ZNF813: variants seen among roughly 807,000 people sequenced by gnomAD.
ZNF813 encodes zinc finger protein 813.
ZNF813 carries 3 observed loss-of-function variants against 7.2 expected under a neutral mutation model. The ratio of observed to expected loss-of-function variants is 0.42; its 90% CI spans 0.19 to 1.08. ZNF813 has a LOEUF of 1.08. Ranked by LOEUF, ZNF813 falls within the 50% of genes least tolerant of loss-of-function variation. The probability of loss-of-function intolerance (pLI) is 0.30; values close to 1 mark genes in which losing one functional copy is unlikely to be tolerated. For synonymous variants in ZNF813, 227 were observed against 256.3 expected (o/e 0.89, Z 1.09); for missense variants, 714 against 753.3 (o/e 0.95, Z 0.61).
At position 53,491,177 on chromosome 19, in the gene ZNF813, A is replaced by C; in HGVS notation, c.945A>C (p.Lys315Asn). ...CTTTCAGTTTCAAATCAAACCTTAA[A>C]AGACATAGGAGAATTCATGCTGGAG... ...DKAFSFKSNL[K>N]RHRRIHAGEK... Residue 315 changes from lysine to asparagine, a missense_variant, in exon 4 of 4, where the codon AAA becomes AAC. Transcript: ENST00000396403. 6.2e-7 allele frequency: 1 copy of C among 1,613,652 alleles called. No individual in the cohort carries two copies. Among genetic ancestry groups the C allele is most frequent in the Non-Finnish European group, 8.5e-7 (1 of 1,179,740 alleles).
At chr19:53,486,605 T>C in intron 2 of ZNF813, 27 bp from the exon 3 acceptor site, 1 of 1,613,996 alleles carries the variant, frequency 6.2e-7, no homozygotes, top group South Asian at 1.1e-5. Context: ...CCCATAACAA[T>C]TTCCTTAAAA....
In ZNF813 at chr19:53,468,229, C is replaced by G. The variant is rs911829392; in HGVS notation, c.-74+440C>G. ...TTAAGGCGCCCTCGCGCCCCCCCCC[C>G]CCCACCTCCCTCCTCCTGCCGGGCC... On this transcript the variant is annotated intron_variant, in intron 1 of 3. Coordinates refer to ENST00000396403, the MANE Select transcript of ZNF813 (RefSeq NM_001004301.4). 1.2e-4 allele frequency among the ~76,000 whole-genome samples: 16 copies of G among 129,010 alleles called. 2 individuals carry two copies. Among genetic ancestry groups the G allele is most frequent in the African/African-American group, 2.8e-4 (10 of 36,000 alleles). 84.6% of individuals were successfully genotyped at this position (129,010 alleles called of 152,430 possible). A position where few individuals can be genotyped will look rare whatever the true frequency, so the allele number is the denominator to read the frequency against.
chr19:53,494,146 C>T lies in ZNF813; in HGVS notation c.*2060C>T, dbSNP rs1466824531. 2 of 152,204 alleles carry T rather than the reference C, an allele frequency of 1.3e-5. No homozygotes were observed. The highest frequency in any genetic ancestry group is 2.9e-5 in the Non-Finnish European group (2 of 68,042). The allele number at this position is 152,204 out of a possible 1,614,324, so 9.4% of individuals were successfully genotyped here. ...GAAATAAGTGGCACTTGAGTATCTA[C>T]AGTCCTTTTTACATCCTCTTGAATA... On this transcript the variant is annotated 3_prime_UTR_variant, in exon 4 of 4. Coordinates refer to ENST00000396403, the MANE Select transcript of ZNF813 (RefSeq NM_001004301.4).
At chr19:53,477,940 A>G (rs891804095) in intron 1 of ZNF813, among the ~76,000 whole-genome samples, 2 of 152,158 alleles carry the variant, frequency 1.3e-5, no homozygotes, top group African/African-American at 4.8e-5. Flanking sequence ...ATTTGTTTAA[A>G]TTATACAGAT....
intron 1 of ZNF813, chr19:53,480,056 C>G: frequency 1.3e-6 from 1 of 762,908 alleles, no homozygotes; most frequent in Admixed American, 1.7e-5. Context: ...ACAAAGGATG[C>G]TGGACCAGAC....
At position 53,490,492 on chromosome 19, in the gene ZNF813, T is replaced by G. The variant is rs769430255; in HGVS notation, c.260T>G (p.Phe87Cys). The change falls in exon 4 of 4, where the codon TTT (phenylalanine) becomes TGT (cysteine). Residue 87 changes from phenylalanine (F) to cysteine (C), a missense_variant. By Grantham distance (205) the Phe-to-Cys change is radical. This residue lies in a region of ZNF813 where 563 missense variants were observed against 554.2 expected (regional missense o/e 1.02). Transcript: ENST00000396403. ...HESHHTGDFR[F>C]QEIDKDIHNL... ...AGTCATCACACTGGAGACTTTCGCT[T>G]TCAGGAAATTGATAAAGATATTCAT... 6.8e-6 allele frequency: 11 copies of G among 1,613,982 alleles called. No individual in the cohort carries two copies. The South Asian group carries it at 9.9e-5, about 15-fold the overall frequency.
intron 1 of ZNF813, among the ~76,000 whole-genome samples, chr19:53,468,878 TC>T (rs2147152121): frequency 1.4e-5 from 2 of 141,992 alleles, no homozygotes; most frequent in Non-Finnish European, 3.1e-5. Context: ...CCTTCCTCTT[TC>T]ACTACTCCTC....
intron 1 of ZNF813, among the ~76,000 whole-genome samples, chr19:53,468,410 CACAAAG>C (rs199572956): frequency 0.089 from 13,519 of 152,098 alleles, 604 homozygotes; most frequent in Middle Eastern, 0.12. Flanking sequence ...AGAAATAAGA[CACAAAG>C]ACAAAGTATA....
chr19:53,468,232 C>CA (rs2086337892), intron 1 of ZNF813, among the ~76,000 whole-genome samples: 2 of 90,728 alleles, frequency 2.2e-5, no homozygotes, highest in Admixed American at 1.0e-4. Flanking sequence ...CCCCCCCCCC[C>CA]ACCTCCCTCC....
chr19:53,480,024 C>T (rs1293546714), intron 1 of ZNF813: 1 of 762,976 alleles, frequency 1.3e-6, no homozygotes, highest in Non-Finnish European at 2.4e-6. Context: ...CTGAAATGCA[C>T]CAAAGAGGAA....
intron 3 of ZNF813, among the ~76,000 whole-genome samples, chr19:53,488,883 A>G (rs2086446556): frequency 6.6e-6 from 1 of 152,198 alleles, no homozygotes; most frequent in Non-Finnish European, 1.5e-5. Flanking sequence ...TGCAGGTTGT[A>G]TAAATGTACT....
intron 3 of ZNF813, among the ~76,000 whole-genome samples, chr19:53,488,933 C>G (rs932250361): frequency 1.3e-5 from 2 of 152,044 alleles, no homozygotes; most frequent in Admixed American, 6.5e-5. Context: ...CAATATTTTA[C>G]TAACTAATTT....
intron 1 of ZNF813, among the ~76,000 whole-genome samples, chr19:53,478,456 G>A (rs146340917): frequency 4.5e-4 from 68 of 152,194 alleles, no homozygotes; most frequent in African/African-American, 1.5e-3. Context: ...ACAGGGATGA[G>A]CCACCGCACC....
At chr19:53,490,232 A>C in intron 3 of ZNF813, 143 bp from the exon 4 acceptor site, 2 of 975,354 alleles carry the variant, frequency 2.1e-6, no homozygotes, top group Non-Finnish European at 1.5e-6. Context: ...TCTAATAAAG[A>C]ATCTTACGCT....
In ZNF813 at chr19:53,494,361, C is replaced by G. The variant is rs1443862498; in HGVS notation, c.*2275C>G. 1.3e-5 allele frequency: 2 copies of G among 152,118 alleles called. No homozygotes were observed. The highest frequency in any genetic ancestry group is 2.9e-5 in the Non-Finnish European group (2 of 68,042). 9.4% of individuals were successfully genotyped at this position (152,118 alleles called of 1,614,324 possible). A position where few individuals can be genotyped will look rare whatever the true frequency, so the allele number is the denominator to read the frequency against. On this transcript the variant is annotated 3_prime_UTR_variant, in exon 4 of 4. Transcript: ENST00000396403. ...ACATGAGTTTTAAAAGAGACTTTCTCTGCCGGGCGCAGTGGCTCATGCCTG... is the reference window on the plus strand; with the variant it reads ...ACATGAGTTTTAAAAGAGACTTTCTGTGCCGGGCGCAGTGGCTCATGCCTG...
intron 2 of ZNF813, 32 bp from the exon 3 acceptor site, chr19:53,486,600 A>G (rs1395346122): frequency 6.2e-7 from 1 of 1,613,848 alleles, no homozygotes; most frequent in South Asian, 1.1e-5. Context: ...CTCCTCCCAT[A>G]ACAATTTCCT....
chr19:53,487,597 A>C (rs2086440175), intron 3 of ZNF813, among the ~76,000 whole-genome samples: 1 of 152,014 alleles, frequency 6.6e-6, no homozygotes, highest in Non-Finnish European at 1.5e-5. Flanking sequence ...CAGGAGTTCA[A>C]AACCAGTCTG....
At position 53,491,273 on chromosome 19, in the gene ZNF813, A is replaced by G. The variant is rs756700089; in HGVS notation, c.1041A>G (p.Arg347=). ...SQTSSLTCHR[R]LHTGEKPFKC... ...CGTCATCCCTTACATGCCATCGTAG[A>G]CTTCATACTGGAGAGAAACCTTTCA... Residue 347 remains arginine (R), a synonymous_variant, in exon 4 of 4, where the codon AGA becomes AGG. Coordinates refer to ENST00000396403, the MANE Select transcript of ZNF813 (RefSeq NM_001004301.4). The G allele has an allele frequency of 8.7e-6, 14 of 1,614,162 alleles. No individual in the cohort carries two copies. In the South Asian group the frequency reaches 1.3e-4, roughly 15 times the overall value.
intron 1 of ZNF813, among the ~76,000 whole-genome samples, chr19:53,475,273 C>T (rs2086376722): frequency 6.6e-6 from 1 of 152,224 alleles, no homozygotes; most frequent in Non-Finnish European, 1.5e-5. Context: ...AGCTGATGTT[C>T]CGGTAGGCAG....
Sources: allele counts gnomAD v4.1 joint callset (sites outside exome capture counted in the v4.1 genomes callset), GRCh38; gene constraint gnomAD v4.1.1; regional missense constraint gnomAD v4.1.1; transcripts MANE v1.5; gene names NCBI Gene and HGNC (gene_info 2026-07-23, HGNC 2026-07-21).